KLHDC4: variants seen among roughly 807,000 people sequenced by gnomAD.
KLHDC4 encodes kelch domain-containing protein 4.
A neutral mutation model predicts 62.4 loss-of-function variants in KLHDC4; 90 were observed. The observed-to-expected ratio is 1.44, with a 90% CI of 1.22 to 1.72. KLHDC4 has a LOEUF of 1.72. Among genes scored for constraint, KLHDC4 ranks in the 40% most tolerant of loss-of-function variants. KLHDC4 has a pLI of 0.00. For missense variants in KLHDC4, 1,025 were observed against 699.7 expected, an observed-to-expected ratio of 1.47 and a Z score of -5.25; for synonymous variants, 386 against 284.4, an observed-to-expected ratio of 1.36 and a Z score of -3.59.
chr16:87,760,955 C>T (rs1357276881), intron 2 of KLHDC4, among the ~76,000 whole-genome samples: 2 of 152,142 alleles, frequency 1.3e-5, no homozygotes, highest in African/African-American at 4.8e-5. Context: ...ATCACTTGAA[C>T]CTGGGAGGCA....
At chr16:87,740,477 C>G (rs1017656518) in intron 5 of KLHDC4, 8 of 152,264 alleles carry the variant, frequency 5.3e-5, no homozygotes, top group African/African-American at 1.7e-4. Flanking sequence ...CCAGGCCGGA[C>G]TGGGCAACAG....
chr16:87,750,924 C>G (rs184911252), intron 4 of KLHDC4: 10 of 152,358 alleles, frequency 6.6e-5, no homozygotes, highest in African/African-American at 2.4e-4. Flanking sequence ...CCCAGTAGTT[C>G]CATAGGGAGA....
intron 7 of KLHDC4, among the ~76,000 whole-genome samples, chr16:87,724,266 A>G (rs1050500124): frequency 1.9e-4 from 29 of 152,376 alleles, no homozygotes; most frequent in African/African-American, 7.0e-4. Flanking sequence ...CTGTGAAACC[A>G]TATCATTTTT....
chr16:87,739,289 TCATCCATCCACACACCAGCACCTCATC>T (rs2041872002), intron 5 of KLHDC4, among the ~76,000 whole-genome samples: 1 of 102,942 alleles, frequency 9.7e-6, no homozygotes, highest in African/African-American at 3.9e-5. Flanking sequence ...CACCAGCACC[TCATCCATCCACACACCAGCACCTCATC>T]CATCCACACA....
chr16:87,761,887 A>G (rs2045946718), intron 2 of KLHDC4, 62 bp downstream of exon 2: 1 of 1,499,572 alleles, frequency 6.7e-7, no homozygotes, highest in South Asian at 1.1e-5. Context: ...TGCTATTTAA[A>G]GCAGTTTTTC....
At chr16:87,702,006 C>T (rs899389684) in exon 1 of KLHDC4, 13 of 456,214 alleles carry the variant, frequency 2.8e-5, no homozygotes, top group African/African-American at 2.6e-4. Flanking sequence ...AGCCCAGCAG[C>T]CAGGCAGCTC....
At chr16:87,740,342 C>T (rs2042054019) in intron 5 of KLHDC4, among the ~76,000 whole-genome samples, 1 of 152,148 alleles carries the variant, frequency 6.6e-6, no homozygotes, top group Admixed American at 6.5e-5. Context: ...TCCCAGAGGC[C>T]CAGGGCTGAG....
downstream of KLHDC4, among the ~76,000 whole-genome samples, chr16:87,707,017 T>C (rs191426300): frequency 3.5e-3 from 537 of 152,334 alleles, 14 homozygotes; most frequent in Non-Finnish European, 2.0e-3. Flanking sequence ...AATGGGACCA[T>C]AGTGAATATG....
downstream of KLHDC4, among the ~76,000 whole-genome samples, chr16:87,705,093 C>A (rs904856147): frequency 2.0e-5 from 3 of 150,318 alleles, no homozygotes; most frequent in Non-Finnish European, 4.4e-5. Flanking sequence ...GGGCCGCAGC[C>A]GAGGGAAAGG....
At chr16:87,708,237 CCAA>C (rs1473794757) in intron 11 of KLHDC4, 110 bp downstream of exon 11, 47 of 728,900 alleles carry the variant, frequency 6.4e-5, no homozygotes, top group Middle Eastern at 2.4e-4. Context: ...ACTCCACACA[CCAA>C]CGTTTTTAAA....
At chr16:87,761,281 C>T (rs764248731) in intron 2 of KLHDC4, among the ~76,000 whole-genome samples, 14 of 152,132 alleles carry the variant, frequency 9.2e-5, no homozygotes, top group Non-Finnish European at 1.9e-4. Flanking sequence ...ACTCGGGCAC[C>T]AGAGCCATCA....
At chr16:87,714,643 G>C in intron 7 of KLHDC4, 70 bp from the exon 8 acceptor site, 1 of 1,541,502 alleles carries the variant, frequency 6.5e-7, no homozygotes, top group Non-Finnish European at 9.0e-7. Flanking sequence ...CCCCAACCCT[G>C]TGGGCGCATT....
intron 9 of KLHDC4, chr16:87,709,956 G>A (rs1045991724): frequency 1.4e-5 from 6 of 430,938 alleles, no homozygotes; most frequent in African/African-American, 7.8e-5. Flanking sequence ...AGGTGGACAG[G>A]CCCACCAGAC....
intron 1 of KLHDC4, among the ~76,000 whole-genome samples, chr16:87,762,769 G>C (rs148101208): frequency 8.5e-5 from 13 of 152,214 alleles, no homozygotes; most frequent in African/African-American, 2.9e-4. Context: ...TCCCGCCTCA[G>C]TCCCAGTGCC....
rs751675999 is a variant in KLHDC4, at chr16:87,711,312, T to TCTC, written c.964_966dup (p.Glu322dup). ...TCGTTGAAGAACTCGCCCGACAGGCTCTCCTCCTCTTCCTCGTCACAGACA... is the reference window on the plus strand; with the variant it reads ...TCGTTGAAGAACTCGCCCGACAGGCTCTCCTCCTCCTCTTCCTCGTCACAGACA... On this transcript the variant is annotated inframe_insertion, in exon 9 of 12. Coordinates refer to ENST00000270583, the MANE Select transcript of KLHDC4 (RefSeq NM_017566.4). 5.0e-6 allele frequency: 8 copies of TCTC among 1,613,946 alleles called. No homozygotes were observed. In the African/African-American group the frequency reaches 1.1e-4, roughly 22 times the overall value.
intron 1 of KLHDC4, among the ~76,000 whole-genome samples, chr16:87,762,775 GT>G (rs1364099601): frequency 6.6e-6 from 1 of 152,098 alleles, no homozygotes; most frequent in African/African-American, 2.4e-5. Context: ...CTCAGTCCCA[GT>G]GCCCATTTCC....
At position 87,709,446 on chromosome 16, in the gene KLHDC4, G is replaced by A. The variant is rs111895908; in HGVS notation, c.1266C>T (p.Ala422=). ...GACACGGCCCAGGTGCGGGGCTGCC[G>A]GCCTCCTCAAGGCTGTCTTCGTCCT... ...RSEDEDSLEE[A]GSPAPGPCPR... Residue 422 remains alanine (A), a synonymous_variant, in exon 10 of 12, where the codon GCC becomes GCT. Coordinates refer to ENST00000270583, the MANE Select transcript of KLHDC4 (RefSeq NM_017566.4). 1.6e-4 allele frequency: 262 copies of A among 1,612,316 alleles called. 3 individuals are homozygous for A. The South Asian group carries it at 2.5e-3, about 15-fold the overall frequency.
chr16:87,759,971 G>A (rs771466545), intron 2 of KLHDC4, among the ~76,000 whole-genome samples: 3 of 152,084 alleles, frequency 2.0e-5, no homozygotes, highest in Non-Finnish European at 4.4e-5. Flanking sequence ...TTTCCAGGTA[G>A]GTCACATCAG....
intron 1 of KLHDC4, among the ~76,000 whole-genome samples, chr16:87,764,355 T>A (rs1166276296): frequency 1.3e-5 from 2 of 151,966 alleles, no homozygotes; most frequent in African/African-American, 4.8e-5. Context: ...TGAGTAAAAA[T>A]GACAGGTAAC....
Sources: allele counts gnomAD v4.1 joint callset (sites outside exome capture counted in the v4.1 genomes callset), GRCh38; gene constraint gnomAD v4.1.1; transcripts MANE v1.5; gene names NCBI Gene and HGNC (gene_info 2026-07-23, HGNC 2026-07-21).